Variants in SIPA1L1 observed in about 807,000 individuals in gnomAD.
SIPA1L1 encodes the protein signal induced proliferation associated 1 like 1.
A neutral mutation model predicts 162.7 loss-of-function variants in SIPA1L1; 26 were observed. The observed-to-expected ratio is 0.16, with a 90% CI of 0.12 to 0.22. The LOEUF (loss-of-function observed/expected upper bound fraction) is 0.22, where lower values mean the gene tolerates loss of function less well. Ranked by LOEUF, SIPA1L1 falls within the 10% of genes least tolerant of loss-of-function variation. The probability of loss-of-function intolerance (pLI) is 1.00; values close to 1 mark genes in which losing one functional copy is unlikely to be tolerated. For synonymous variants in SIPA1L1, 829 were observed against 837.4 expected, an observed-to-expected ratio of 0.99 and a Z score of 0.17; for missense variants, 1,874 against 2,241.0, an observed-to-expected ratio of 0.84 and a Z score of 3.31.
At chr14:71,326,357 C>T (rs370559200) in intron 2 of SIPA1L1, among the ~76,000 whole-genome samples, 37 of 150,440 alleles carry the variant, frequency 2.5e-4, no homozygotes, top group East Asian at 8.0e-4. Context: ...TACAGGCACA[C>T]GCCGCCACAC....
intron 2 of SIPA1L1, among the ~76,000 whole-genome samples, chr14:71,356,895 C>T (rs1187557471): frequency 6.6e-6 from 1 of 151,614 alleles, no homozygotes; most frequent in Admixed American, 6.6e-5. Flanking sequence ...AAGTCAAGAC[C>T]CATTCTTGTG....
At chr14:71,367,909 C>CTT (rs543910059) in intron 2 of SIPA1L1, among the ~76,000 whole-genome samples, 45 of 127,020 alleles carry the variant, frequency 3.5e-4, no homozygotes, top group African/African-American at 1.2e-3. Context: ...GCCGGCCTTC[C>CTT]TTTTTTTTTT....
intron 13 of SIPA1L1, among the ~76,000 whole-genome samples, chr14:71,687,191 T>C (rs1037392920): frequency 6.6e-6 from 1 of 152,248 alleles, no homozygotes; most frequent in South Asian, 2.1e-4. Context: ...CCTGGAGATC[T>C]GTTTACAGAG....
chr14:71,690,503 CT>C (rs2149648081), intron 13 of SIPA1L1, among the ~76,000 whole-genome samples: 1 of 152,278 alleles, frequency 6.6e-6, no homozygotes, highest in East Asian at 1.9e-4. Context: ...CCTCCTCAGC[CT>C]CCCAAAGTGC....
At chr14:71,614,962 TTTG>T (rs1350381833) in intron 5 of SIPA1L1, among the ~76,000 whole-genome samples, 1 of 152,158 alleles carries the variant, frequency 6.6e-6, no homozygotes, top group Non-Finnish European at 1.5e-5. Flanking sequence ...TGTTTCTATT[TTTG>T]TTCTTGAGAT....
intron 5 of SIPA1L1, among the ~76,000 whole-genome samples, chr14:71,602,292 T>G (rs570761026): frequency 1.3e-5 from 2 of 152,312 alleles, no homozygotes; most frequent in South Asian, 4.1e-4. Context: ...TTTCTTCATT[T>G]TCTTTTTAGT....
At chr14:71,667,598 A>T (rs570583437) in intron 10 of SIPA1L1, among the ~76,000 whole-genome samples, 1 of 152,184 alleles carries the variant, frequency 6.6e-6, no homozygotes, top group Admixed American at 6.5e-5. Context: ...CCTGGCCAGT[A>T]ATCTGATTCA....
At chr14:71,533,990 A>G (rs1412337322) in intron 4 of SIPA1L1, among the ~76,000 whole-genome samples, 1 of 152,040 alleles carries the variant, frequency 6.6e-6, no homozygotes, top group African/African-American at 2.4e-5. Context: ...TTGGGAGGCC[A>G]AGGTGGGAGG....
intron 7 of SIPA1L1, among the ~76,000 whole-genome samples, chr14:71,636,235 A>G (rs1250822350): frequency 6.6e-6 from 1 of 152,268 alleles, no homozygotes; most frequent in East Asian, 1.9e-4. Context: ...TACTCACAAC[A>G]GCAGAATACA....
chr14:71,654,565 C>T (rs1295823914), intron 8 of SIPA1L1, among the ~76,000 whole-genome samples: 2 of 152,160 alleles, frequency 1.3e-5, no homozygotes, highest in African/African-American at 4.8e-5. Flanking sequence ...TTGTTTTCTC[C>T]TCCATTTTTC....
In SIPA1L1 at chr14:71,699,076, G is replaced by C. The variant is rs746533793; in HGVS notation, c.3470G>C (p.Ser1157Thr). ...TCTCCTAGCAACTTGTCTTCATCCA[G>C]TGATACTGGTTCTGTGGGGGGCACT... The part of the protein sequence containing the change: ...RNSPSNLSSS[S>T]DTGSVGGTYR... Residue 1157 changes from serine to threonine, a missense_variant, in exon 14 of 24, where the codon AGT becomes ACT. Ser to Thr is a moderately conservative substitution (Grantham distance 58). Around this residue, in one of 5 missense-constraint regions of SIPA1L1, gnomAD observed 936 missense variants for 1,051.9 expected, o/e 0.89. Coordinates refer to ENST00000381232, the MANE Select transcript of SIPA1L1 (RefSeq NM_001386936.1). The C allele has an allele frequency of 1.2e-6, 2 of 1,614,188 alleles. No individual in the cohort carries two copies. The highest frequency in any genetic ancestry group is 1.7e-6 in the Non-Finnish European group (2 of 1,180,026).
chr14:71,448,921 A>G (rs2045611035), intron 2 of SIPA1L1: 1 of 152,318 alleles, frequency 6.6e-6, no homozygotes, highest in Non-Finnish European at 1.5e-5. Flanking sequence ...AATAGCTGCT[A>G]CACTCCAGCC....
chr14:71,348,895 G>T (rs2140546302), intron 2 of SIPA1L1, among the ~76,000 whole-genome samples: 1 of 152,268 alleles, frequency 6.6e-6, no homozygotes, highest in Non-Finnish European at 1.5e-5. Context: ...TCTTCCCCAG[G>T]ATACTGAAAA....
intron 15 of SIPA1L1, chr14:71,704,862 G>C: frequency 1.1e-6 from 1 of 937,290 alleles, no homozygotes; most frequent in Non-Finnish European, 1.7e-6. Flanking sequence ...ACCAAGCTAG[G>C]TTAGCCACAC....
At chr14:71,356,837 G>T (rs984483166) in intron 2 of SIPA1L1, among the ~76,000 whole-genome samples, 2 of 151,402 alleles carry the variant, frequency 1.3e-5, no homozygotes, top group African/African-American at 4.8e-5. Flanking sequence ...GCCAAAGACA[G>T]AGAAATTCCA....
At chr14:71,635,336 A>G (rs573828520) in intron 7 of SIPA1L1, among the ~76,000 whole-genome samples, 54 of 152,256 alleles carry the variant, frequency 3.5e-4, no homozygotes, top group Non-Finnish European at 6.8e-4. Flanking sequence ...AGAAGGAAAG[A>G]GTAAAAATAT....
chr14:71,577,402 A>G (rs1226103841), intron 4 of SIPA1L1, among the ~76,000 whole-genome samples: 1 of 150,954 alleles, frequency 6.6e-6, no homozygotes, highest in Non-Finnish European at 1.5e-5. Context: ...TTTGGAGACA[A>G]ATCTCACTCC....
At chr14:71,375,194 A>G (rs1346651785) in intron 2 of SIPA1L1, among the ~76,000 whole-genome samples, 1 of 152,020 alleles carries the variant, frequency 6.6e-6, no homozygotes, top group African/African-American at 2.4e-5. Flanking sequence ...GGGAGCTGCC[A>G]TTTTGGAACT....
At chr14:71,686,022 G>T (rs927297414) in intron 13 of SIPA1L1, among the ~76,000 whole-genome samples, 1 of 152,156 alleles carries the variant, frequency 6.6e-6, no homozygotes, top group Non-Finnish European at 1.5e-5. Flanking sequence ...AGCAACAGAA[G>T]GCAGGTTTTT....
Sources: allele counts gnomAD v4.1 joint callset (sites outside exome capture counted in the v4.1 genomes callset), GRCh38; gene constraint gnomAD v4.1.1; regional missense constraint gnomAD v4.1.1; transcripts MANE v1.5; gene names NCBI Gene and HGNC (gene_info 2026-07-23, HGNC 2026-07-21).